Variants in PRKDC observed in about 807,000 individuals in gnomAD.
PRKDC encodes the protein DNA-dependent protein kinase catalytic subunit.
A neutral mutation model predicts 486.9 loss-of-function variants in PRKDC; 82 were observed. That is an observed-to-expected ratio of 0.17 (90% CI 0.14 to 0.20). The LOEUF is 0.20. Ranked by LOEUF, PRKDC falls within the 10% of genes least tolerant of loss-of-function variation. The probability of loss-of-function intolerance (pLI) is 1.00; values close to 1 mark genes in which losing one functional copy is unlikely to be tolerated. For synonymous variants in PRKDC, 1,895 were observed against 1,837.0 expected, an observed-to-expected ratio of 1.03 and a Z score of -0.81; for missense variants, 4,504 against 5,038.2, an observed-to-expected ratio of 0.89 and a Z score of 3.21.
rs189298713 is a variant in PRKDC, at chr8:47,811,101, A to T, written c.9558-3775T>A. ...GGTAAGTGAACTTCAGATGGGATAA[A>T]TTCAAAGAGAACCAGGCCTAGACAC... On this transcript the variant is annotated intron_variant, in intron 68 of 85. Transcript: ENST00000314191. 5.9e-4 allele frequency among the ~76,000 whole-genome samples: 90 copies of T among 152,356 alleles called. 1 individual carries two copies. Among genetic ancestry groups the T allele is most frequent in the African/African-American group, 2.1e-3 (86 of 41,588 alleles).
intron 59 of PRKDC, among the ~76,000 whole-genome samples, chr8:47,832,624 G>C (rs2087912660): frequency 6.6e-6 from 1 of 152,164 alleles, no homozygotes; most frequent in Non-Finnish European, 1.5e-5. Context: ...GGATTTCCCA[G>C]AAAAGAGGAA....
At chr8:47,851,731 G>A (rs1051400518) in intron 52 of PRKDC, among the ~76,000 whole-genome samples, 6 of 152,192 alleles carry the variant, frequency 3.9e-5, no homozygotes, top group African/African-American at 1.2e-4. Flanking sequence ...GGCCAAAGCC[G>A]AGCTGTGGAG....
rs1589707360 is a variant in PRKDC at position 47,803,424 on chromosome 8, G to C, written c.9804C>G (p.Thr3268=). ...CCCAGCTCACCAGCCAATCGTCTCTGGTTTTTGACTCTTTATGCAGCTCCT... is the reference window on the plus strand; with the variant it reads ...CCCAGCTCACCAGCCAATCGTCTCTCGTTTTTGACTCTTTATGCAGCTCCT... ...LLKELHKESK[T]RDDWLVSWVQ... is the part of the protein sequence containing the mutation. The change falls in exon 70 of 86, where the codon ACC becomes ACG. Residue 3268 remains threonine (T), a synonymous_variant. Transcript: ENST00000314191. 1 of 1,613,928 alleles carries C rather than the reference G, an allele frequency of 6.2e-7. No homozygotes were observed. The highest frequency in any genetic ancestry group is 8.5e-7 in the Non-Finnish European group (1 of 1,179,862).
At chr8:47,900,548 G>T in intron 27 of PRKDC, 81 bp from the exon 28 acceptor site, 1 of 1,292,950 alleles carries the variant, frequency 7.7e-7, no homozygotes. Flanking sequence ...TGGAATTAAA[G>T]AAGGCACACA....
intron 63 of PRKDC, 83 bp downstream of exon 63, chr8:47,826,573 T>C (rs2087741786): frequency 7.4e-7 from 1 of 1,355,484 alleles, no homozygotes; most frequent in African/African-American, 1.5e-5. Context: ...TTAGCTCATT[T>C]TCTGCCAAAT....
At chr8:47,876,830 C>A (rs1171716046) in intron 40 of PRKDC, among the ~76,000 whole-genome samples, 1 of 151,994 alleles carries the variant, frequency 6.6e-6, no homozygotes, top group Non-Finnish European at 1.5e-5. Flanking sequence ...GAAAAATGGC[C>A]ATTTGCAACT....
chr8:47,933,714 G>A (rs1204569142), intron 15 of PRKDC, among the ~76,000 whole-genome samples: 7 of 152,192 alleles, frequency 4.6e-5, no homozygotes, highest in Admixed American at 2.0e-4. Flanking sequence ...GCTATTTAAA[G>A]CTAAAATGAG....
chr8:47,877,917 T>C (rs1343785189), intron 39 of PRKDC, 66 bp from the exon 40 acceptor site: 7 of 1,191,282 alleles, frequency 5.9e-6, no homozygotes, highest in Non-Finnish European at 6.6e-6. Context: ...ATAGTTAAAT[T>C]ATATACTAAA....
intron 68 of PRKDC, among the ~76,000 whole-genome samples, chr8:47,811,364 A>G (rs1589712972): frequency 6.6e-6 from 1 of 152,222 alleles, no homozygotes; most frequent in Admixed American, 6.5e-5. Context: ...GAAGGAAAAA[A>G]CTAACAAGAG....
rs1295687969 is a variant in PRKDC, at chr8:47,781,328, TGTAGA to T, written c.11489+829_11489+833del. Among the ~76,000 whole-genome samples the T allele has an allele frequency of 5.9e-5, 9 of 152,340 alleles. No homozygotes were observed. The East Asian group carries it at 1.4e-3, about 23-fold the overall frequency. ...AACTAAAAGTTGGTGAACACTGCCC[TGTAGA>T]GTAATTATCACCTGGGAATATGAGT... On this transcript the variant is annotated intron_variant, in intron 80 of 85. Transcript: ENST00000314191.
intron 40 of PRKDC, among the ~76,000 whole-genome samples, chr8:47,874,681 C>T (rs1040325433): frequency 2.0e-5 from 3 of 152,144 alleles, no homozygotes; most frequent in Non-Finnish European, 4.4e-5. Flanking sequence ...ATCACTTGAA[C>T]TCAGGAGGCA....
rs1270438757 is a variant in PRKDC, at chr8:47,912,576, G to A, written c.2782-14C>T. On this transcript the variant is annotated splice_polypyrimidine_tract_variant and intron_variant, in intron 24 of 85. Transcript: ENST00000314191. ...ACAGGCTGCAACCTAAAACAGACCA[G>A]GAGGTCAGCAATGTTTAAGTTATCA... The A allele has an allele frequency of 6.3e-7, 1 of 1,577,642 alleles. No homozygotes were observed. The highest frequency in any genetic ancestry group is 1.2e-5 in the South Asian group (1 of 85,562).
chr8:47,777,008 C>T (rs557033254), intron 84 of PRKDC, 25 bp from the exon 85 acceptor site: 1 of 1,603,346 alleles, frequency 6.2e-7, no homozygotes, highest in African/African-American at 1.3e-5. Flanking sequence ...CATGATTTTC[C>T]CGGCTGATCA....
intron 26 of PRKDC, among the ~76,000 whole-genome samples, chr8:47,904,074 CA>C (rs562322632): frequency 6.6e-6 from 1 of 151,024 alleles, no homozygotes; most frequent in African/African-American, 2.4e-5. Context: ...AAATAAGCAT[CA>C]AAAAAAAACT....
Position 47,927,190 on chromosome 8 carries a change from T to C in PRKDC, c.2419+4A>G. ...ATACACATCACAATTCTTCTAAACA[T>C]TACCTGACAAGGCTGAAGTCTTCAG... On this transcript the variant is annotated splice_donor_region_variant and intron_variant, in intron 21 of 85. Coordinates refer to ENST00000314191, the MANE Select transcript of PRKDC (RefSeq NM_006904.7). 3 of 1,612,594 alleles carry C rather than the reference T, an allele frequency of 1.9e-6. No individual in the cohort carries two copies. Among genetic ancestry groups the C allele is most frequent in the South Asian group, 2.2e-5 (2 of 90,932 alleles).
At chr8:47,919,722 G>GTT (rs1563803638) in intron 21 of PRKDC, among the ~76,000 whole-genome samples, 4 of 142,364 alleles carry the variant, frequency 2.8e-5, no homozygotes, top group African/African-American at 1.0e-4. Flanking sequence ...AGTTTTTAGT[G>GTT]GTTTTTTTTT....
chr8:47,927,781 G>A lies in PRKDC; in HGVS notation c.2249C>T (p.Pro750Leu), dbSNP rs372660444. Residue 750 changes from proline (P) to leucine (L), a missense_variant, in exon 20 of 86, where the codon CCT (proline) becomes CTT (leucine). Transcript: ENST00000314191. ...CAAGACAACGCCTACCTGCAGTGCA[G>A]GAACGTAGGCTCTAACATCGAGTTC... ...IIELDVRAYV[P>L]ALQMAFKLGL... The A allele has an allele frequency of 3.2e-6, 5 of 1,561,062 alleles. No individual in the cohort carries two copies. The African/African-American group carries it at 4.1e-5, about 13-fold the overall frequency.
At position 47,821,893 on chromosome 8, in the gene PRKDC, C is replaced by A; in HGVS notation, c.8923-101G>T. On this transcript the variant is annotated intron_variant, in intron 64 of 85. Coordinates refer to ENST00000314191, the MANE Select transcript of PRKDC (RefSeq NM_006904.7). ...TGTAACAATCACACTAAAAACAATC[C>A]TTTTCAGATTTACGGAAAGGAGAGA... 19 of 1,088,076 alleles carry A rather than the reference C, an allele frequency of 1.7e-5. No homozygotes were observed. The South Asian group carries it at 2.8e-4, about 16-fold the overall frequency. The allele number at this position is 1,088,076 out of a possible 1,614,324, so 67.4% of individuals were successfully genotyped here.
intron 63 of PRKDC, among the ~76,000 whole-genome samples, chr8:47,826,353 T>C (rs1456211422): frequency 6.6e-6 from 1 of 152,214 alleles, no homozygotes; most frequent in Non-Finnish European, 1.5e-5. Flanking sequence ...GGAACTATGA[T>C]TCACAGCTAC....
Sources: gnomAD v4.1 joint callset for allele counts (sites outside exome capture counted in the v4.1 genomes callset) on GRCh38, gnomAD v4.1.1 for gene constraint, MANE v1.5 for transcripts, NCBI Gene and HGNC (gene_info 2026-07-23, HGNC 2026-07-21) for gene names.